Variants in SLC30A7 observed in about 807,000 individuals in gnomAD.
SLC30A7 encodes solute carrier family 30 member 7, also known as zinc transporter 7.
A neutral mutation model predicts 46.0 loss-of-function variants in SLC30A7; 35 were observed. That is an observed-to-expected ratio of 0.76 (90% CI 0.58 to 1.01). SLC30A7 has a LOEUF of 1.01. Ranked by LOEUF, SLC30A7 falls within the 50% of genes least tolerant of loss-of-function variation. The pLI is 0.00. For synonymous variants in SLC30A7, 147 were observed against 157.8 expected (o/e 0.93, Z 0.51); for missense variants, 464 against 451.1 (o/e 1.03, Z -0.26).
intron 10 of SLC30A7, among the ~76,000 whole-genome samples, chr1:100,969,247 A>T (rs1212605569): frequency 1.3e-5 from 2 of 152,196 alleles, no homozygotes; most frequent in Non-Finnish European, 2.9e-5. Context: ...AATCCTTCTT[A>T]CACCTTCTAC....
At chr1:100,968,079 T>C (rs1169613798) in intron 10 of SLC30A7, among the ~76,000 whole-genome samples, 1 of 152,194 alleles carries the variant, frequency 6.6e-6, no homozygotes, top group Non-Finnish European at 1.5e-5. Flanking sequence ...TGTAGAGAGA[T>C]GAAGCAAACA....
intron 8 of SLC30A7, among the ~76,000 whole-genome samples, chr1:100,926,650 G>A (rs1429232343): frequency 6.6e-6 from 1 of 152,128 alleles, no homozygotes; most frequent in African/African-American, 2.4e-5. Flanking sequence ...AAACATTACT[G>A]AAATGTATAA....
intron 8 of SLC30A7, among the ~76,000 whole-genome samples, chr1:100,951,800 G>A (rs1366209822): frequency 1.1e-4 from 17 of 152,178 alleles, no homozygotes; most frequent in Non-Finnish European, 1.5e-5. Context: ...CAGAAGAATG[G>A]CCCCAAAGAT....
chr1:100,908,952 G>A (rs537822466), intron 3 of SLC30A7, among the ~76,000 whole-genome samples: 148 of 152,108 alleles, frequency 9.7e-4, no homozygotes, highest in African/African-American at 3.5e-3. Context: ...AATACCTTCA[G>A]TACCATAGCA....
At chr1:100,900,164 A>G (rs559455492) in intron 2 of SLC30A7, among the ~76,000 whole-genome samples, 31 of 152,268 alleles carry the variant, frequency 2.0e-4, no homozygotes, top group Non-Finnish European at 3.7e-4. Context: ...TTTTTCTAGT[A>G]TCTCAATATA....
the SLC30A7 span, chr1:100,992,629 T>C: frequency 6.2e-7 from 1 of 1,609,680 alleles, no homozygotes; most frequent in Admixed American, 1.7e-5. Context: ...TTCTAGTGTC[T>C]TGAGTACCTG....
chr1:100,974,918 A>G lies in SLC30A7; in HGVS notation c.*61A>G. On this transcript the variant is annotated 3_prime_UTR_variant, in exon 11 of 11. Transcript: ENST00000357650. The stretch of plus-strand genomic sequence containing the variant: ...AATTTTTCTGGTACTGTACGATCCA[A>G]AACATTGTACCCAGCTTTTTAAAAG... 4.4e-6 allele frequency: 6 copies of G among 1,358,022 alleles called. No individual in the cohort carries two copies. The highest frequency in any genetic ancestry group is 5.1e-6 in the Non-Finnish European group (5 of 973,528). The allele number at this position is 1,358,022 out of a possible 1,614,324, so 84.1% of individuals were successfully genotyped here. A position where few individuals can be genotyped will look rare whatever the true frequency, so the allele number is the denominator to read the frequency against.
At chr1:100,982,575 A>G (rs994933266), downstream of SLC30A7, among the ~76,000 whole-genome samples, 3 of 152,236 alleles carry the variant, frequency 2.0e-5, no homozygotes, top group Non-Finnish European at 4.4e-5. Flanking sequence ...CCCTTATCAT[A>G]AAACGTCTTT....
At chr1:100,927,413 T>G (rs1031404595) in intron 8 of SLC30A7, among the ~76,000 whole-genome samples, 13 of 152,106 alleles carry the variant, frequency 8.5e-5, no homozygotes, top group African/African-American at 2.4e-4. Flanking sequence ...TGCTAAATGC[T>G]GCTGGGACTA....
intron 3 of SLC30A7, among the ~76,000 whole-genome samples, chr1:100,908,674 T>G (rs1176007582): frequency 2.0e-5 from 3 of 152,162 alleles, no homozygotes; most frequent in Admixed American, 6.5e-5. Flanking sequence ...TGCAAATAAT[T>G]TAAACAGTAG....
At chr1:100,937,843 T>G (rs1416315923) in intron 8 of SLC30A7, among the ~76,000 whole-genome samples, 2 of 152,208 alleles carry the variant, frequency 1.3e-5, no homozygotes, top group Non-Finnish European at 2.9e-5. Flanking sequence ...TCATGAAGCT[T>G]TCTCCTATGT....
intron 8 of SLC30A7, 36 bp from the exon 9 acceptor site, chr1:100,961,792 G>T: frequency 7.5e-7 from 1 of 1,335,882 alleles, no homozygotes; most frequent in Non-Finnish European, 1.1e-6. Flanking sequence ...TTAGCAGAAT[G>T]TGACTTTAAT....
chr1:100,983,396 C>CAAAAA (rs760912885), downstream of SLC30A7, among the ~76,000 whole-genome samples: 1 of 116,984 alleles, frequency 8.5e-6, no homozygotes, highest in Non-Finnish European at 1.8e-5. Flanking sequence ...AAAAACAAAA[C>CAAAAA]AAAACAAAAC....
intron 8 of SLC30A7, among the ~76,000 whole-genome samples, chr1:100,946,566 A>C (rs1489385381): frequency 6.6e-6 from 1 of 152,046 alleles, no homozygotes; most frequent in Non-Finnish European, 1.5e-5. Context: ...TAGTTGGTTC[A>C]GTTTATGTGA....
At chr1:100,982,667 T>C (rs1657010932), downstream of SLC30A7, among the ~76,000 whole-genome samples, 1 of 152,326 alleles carries the variant, frequency 6.6e-6, no homozygotes, top group Non-Finnish European at 1.5e-5. Flanking sequence ...GCAGAATCAC[T>C]TTCCTTGCCC....
At chr1:100,913,426 G>A (rs529293260) in intron 5 of SLC30A7, among the ~76,000 whole-genome samples, 28 of 152,222 alleles carry the variant, frequency 1.8e-4, no homozygotes, top group Non-Finnish European at 3.4e-4. Flanking sequence ...CTTCCAGTCA[G>A]TACTTATTTT....
chr1:100,975,002 A>T lies in SLC30A7; in HGVS notation c.*145A>T, dbSNP rs907731063. ...GTAGACGGGGTAGAGTCAGCCGTTC[A>T]TGCTTTGTGGGGAGTTCACAGCTAA... On this transcript the variant is annotated 3_prime_UTR_variant, in exon 11 of 11. Coordinates refer to ENST00000357650, the MANE Select transcript of SLC30A7 (RefSeq NM_133496.5). 5.8e-6 allele frequency: 3 copies of T among 518,192 alleles called. No homozygotes were observed. The highest frequency in any genetic ancestry group is 9.9e-6 in the Non-Finnish European group (3 of 303,000). The allele number at this position is 518,192 out of a possible 1,614,324, so 32.1% of individuals were successfully genotyped here.
At chr1:100,930,292 TG>T (rs1653588441) in intron 8 of SLC30A7, among the ~76,000 whole-genome samples, 1 of 152,098 alleles carries the variant, frequency 6.6e-6, no homozygotes, top group Admixed American at 6.5e-5. Flanking sequence ...CAAGTCTTTT[TG>T]TTAGGTCTAA....
intron 10 of SLC30A7, among the ~76,000 whole-genome samples, chr1:100,968,554 T>C (rs911966154): frequency 1.3e-5 from 2 of 152,204 alleles, no homozygotes; most frequent in African/African-American, 4.8e-5. Context: ...GCCCAGACTT[T>C]TTAGCATGAA....
Sources: gnomAD v4.1 joint callset for allele counts (sites outside exome capture counted in the v4.1 genomes callset) on GRCh38, gnomAD v4.1.1 for gene constraint, MANE v1.5 for transcripts, NCBI Gene and HGNC (gene_info 2026-07-23, HGNC 2026-07-21) for gene names.